The following SRCIN1 variants were observed in gnomAD, a reference collection of about 807,000 sequenced individuals.
SRCIN1 encodes the protein P130Cas-associated protein.
In SRCIN1, 50 loss-of-function variants were observed where a neutral mutation model predicts 116.2. That is an observed-to-expected ratio of 0.43 (90% confidence interval 0.34 to 0.54). The LOEUF is 0.54. Among genes scored for constraint, SRCIN1 ranks in the 20% least tolerant of loss-of-function variants. SRCIN1 has a pLI of 0.02. For missense variants in SRCIN1, 1,446 were observed against 1,672.0 expected (o/e 0.86, Z 2.36); for synonymous variants, 736 against 750.0 (o/e 0.98, Z 0.30).
At position 38,604,575 on chromosome 17, in the gene SRCIN1, A is replaced by G. The variant is rs577467841; in HGVS notation, c.22+1109T>C. On this transcript the variant is annotated intron_variant, in intron 1 of 18. Coordinates refer to ENST00000617146, the MANE Select transcript of SRCIN1 (RefSeq NM_025248.3). The surrounding 1 kb of genome is among the most constrained non-coding windows in gnomAD (Gnocchi z 4.3). ...GTCCTCTCCCACCAGGCCAGGGCAA[A>G]GCGCCGGAGGCACTGCCAGGGCTGC... The G allele has an allele frequency of 6.2e-5, 28 of 452,936 alleles. No homozygotes were observed. Among genetic ancestry groups the G allele is most frequent in the Non-Finnish European group, 1.2e-4 (27 of 225,614 alleles). The allele number at this position is 452,936 out of a possible 1,614,324, so 28.1% of individuals were successfully genotyped here.
chr17:38,606,844 G>T (rs999434240), upstream of SRCIN1, among the ~76,000 whole-genome samples: 1 of 152,188 alleles, frequency 6.6e-6, no homozygotes, highest in Non-Finnish European at 1.5e-5. The surrounding 1 kb of genome is among the most constrained non-coding windows in gnomAD (Gnocchi z 5.2). Flanking sequence ...GATTCCAGCG[G>T]CCCCCTCCCT....
At position 38,565,862 on chromosome 17, in the gene SRCIN1, G is replaced by A. The variant is rs1906648728; in HGVS notation, c.346-1549C>T. ...TGGGTGTGGGTCTTGGCAGGAGGAAGGCAGCATAGAAATGGGCCAGGGGCA... is the reference window on the plus strand; with the variant it reads ...TGGGTGTGGGTCTTGGCAGGAGGAAAGCAGCATAGAAATGGGCCAGGGGCA... On this transcript the variant is annotated intron_variant, in intron 3 of 18. Transcript: ENST00000617146. 4.6e-5 allele frequency among the ~76,000 whole-genome samples: 7 copies of A among 152,224 alleles called. No homozygotes were observed. The South Asian group carries it at 1.5e-3, about 32-fold the overall frequency.
intron 1 of SRCIN1, among the ~76,000 whole-genome samples, chr17:38,580,380 A>C (rs1907720037): frequency 6.6e-6 from 1 of 152,104 alleles, no homozygotes; most frequent in Non-Finnish European, 1.5e-5. Flanking sequence ...AGCACCTCCC[A>C]CCGAACCAAG....
chr17:38,561,705 TC>T lies in SRCIN1; in HGVS notation c.1457del (p.Gly486GlufsTer201). 6.5e-7 allele frequency: 1 copy of T among 1,537,414 alleles called. No individual in the cohort carries two copies. The highest frequency in any genetic ancestry group is 8.7e-7 in the Non-Finnish European group (1 of 1,147,312). On this transcript the variant is annotated frameshift_variant, in exon 7 of 19. Transcript: ENST00000617146. LOFTEE classifies it high-confidence loss of function. ...AGGGGCTGTGCGGTGGCGGGGGACC[TC>T]CGGGGGGTGCTGCCACGTCGGCCAG... ...QKLADVAAPP[G>X]GPPPPHSPYS...
In SRCIN1 at chr17:38,543,907, C is replaced by G; in HGVS notation, c.3333G>C (p.Ala1111=). 6.2e-7 allele frequency: 1 copy of G among 1,604,546 alleles called. No homozygotes were observed. Among genetic ancestry groups the G allele is most frequent in the Non-Finnish European group, 8.5e-7 (1 of 1,179,100 alleles). Residue 1111 remains alanine, a synonymous_variant, in exon 18 of 19, where the codon GCG becomes GCC. Transcript: ENST00000617146. ...CGGGGCTGCCCGCCTGGCCCTGGGC[C>G]GCCTTCAGCCGAGAGGCCCCCGGAG... ...VVTPGASRLK[A]AQGQAGSPDK... is the part of the protein sequence containing the mutation.
chr17:38,550,903 A>C (rs1905351629), intron 15 of SRCIN1, among the ~76,000 whole-genome samples: 1 of 152,140 alleles, frequency 6.6e-6, no homozygotes, highest in Non-Finnish European at 1.5e-5. Flanking sequence ...CTCTGCCTGG[A>C]CTTGCTCCCT....
intron 2 of SRCIN1, among the ~76,000 whole-genome samples, chr17:38,569,438 G>T (rs1906933695): frequency 6.6e-6 from 1 of 152,188 alleles, no homozygotes; most frequent in African/African-American, 2.4e-5. Context: ...GCCCCTGGGG[G>T]AAGAACACCA....
intron 17 of SRCIN1, among the ~76,000 whole-genome samples, chr17:38,546,297 C>T (rs956238735): frequency 6.6e-6 from 1 of 152,242 alleles, no homozygotes. Context: ...AGGCCACCCA[C>T]CCACAGCTAG....
intron 18 of SRCIN1, among the ~76,000 whole-genome samples, chr17:38,534,681 T>C (rs1194107372): frequency 6.6e-6 from 1 of 152,178 alleles, no homozygotes; most frequent in Non-Finnish European, 1.5e-5. Flanking sequence ...AAGCAAGCCC[T>C]GTCTCCAGCA....
chr17:38,563,912 G>T lies in SRCIN1; in HGVS notation c.541+206C>A. ...AAAAGGAAGCAAGAGGGAGAGAGGAGGCTTGGAGGGAAAGGGGTCGGGTGG... is the reference window on the plus strand; with the variant it reads ...AAAAGGAAGCAAGAGGGAGAGAGGATGCTTGGAGGGAAAGGGGTCGGGTGG... On this transcript the variant is annotated intron_variant, in intron 4 of 18. Coordinates refer to ENST00000617146, the MANE Select transcript of SRCIN1 (RefSeq NM_025248.3). This position sits in a 1 kb window ranked among gnomAD's most constrained non-coding sequence, Gnocchi z 5.8. 2 of 623,208 alleles carry T rather than the reference G, an allele frequency of 3.2e-6. No individual in the cohort carries two copies. Among genetic ancestry groups the T allele is most frequent in the South Asian group, 2.0e-5 (1 of 51,222 alleles). The allele number at this position is 623,208 out of a possible 1,614,324, so 38.6% of individuals were successfully genotyped here.
intron 1 of SRCIN1, among the ~76,000 whole-genome samples, chr17:38,584,351 TGAGTCC>T (rs1907993633): frequency 1.3e-5 from 2 of 152,186 alleles, no homozygotes; most frequent in Admixed American, 6.5e-5. Context: ...CTATATTTTT[TGAGTCC>T]GAGATTCAAG....
At chr17:38,595,034 C>T (rs907827272) in intron 1 of SRCIN1, among the ~76,000 whole-genome samples, 2 of 152,134 alleles carry the variant, frequency 1.3e-5, no homozygotes, top group Admixed American at 6.5e-5. Context: ...AAACAGCTTC[C>T]AGCAGGGGGA....
intron 18 of SRCIN1, among the ~76,000 whole-genome samples, chr17:38,539,963 G>A (rs1405957738): frequency 6.8e-6 from 1 of 147,082 alleles, no homozygotes; most frequent in Non-Finnish European, 1.5e-5. Flanking sequence ...AGAGGTTGCC[G>A]TGAGCCGAGA....
rs1362886336 is a variant in SRCIN1 at position 38,552,944 on chromosome 17, C to T, written c.2202-89G>A. On this transcript the variant is annotated intron_variant, in intron 11 of 18. Coordinates refer to ENST00000617146, the MANE Select transcript of SRCIN1 (RefSeq NM_025248.3). This position sits in a 1 kb window ranked among gnomAD's most constrained non-coding sequence, Gnocchi z 5.3. ...TTGGGCAACTGGAAAGAAATCAGGC[C>T]ACCAGTTGGATCGAAAGTAAAAGCA... The T allele has an allele frequency of 3.3e-6, 5 of 1,534,838 alleles. 1 individual carries two copies. The highest frequency in any genetic ancestry group is 4.1e-5 in the Admixed American group (2 of 48,832).
At chr17:38,556,301 G>A (rs1035074194) in intron 11 of SRCIN1, among the ~76,000 whole-genome samples, 7 of 152,230 alleles carry the variant, frequency 4.6e-5, no homozygotes, top group Admixed American at 1.3e-4. Flanking sequence ...GACCGCACAC[G>A]TGGCATACCT....
In SRCIN1 at chr17:38,558,325, C is replaced by T. The variant is rs1170744264; in HGVS notation, c.2103G>A (p.Ala701=). The T allele has an allele frequency of 6.2e-7, 1 of 1,610,400 alleles. No homozygotes were observed. Among genetic ancestry groups the T allele is most frequent in the Non-Finnish European group, 8.5e-7 (1 of 1,179,532 alleles). Residue 701 remains alanine (A), a synonymous_variant, in exon 11 of 19, where the codon GCG becomes GCA. Coordinates refer to ENST00000617146, the MANE Select transcript of SRCIN1 (RefSeq NM_025248.3). The surrounding 1 kb of genome is among the most constrained non-coding windows in gnomAD (Gnocchi z 4.6). ...GCTGCAGCGGGTCCTCCTGCCGCCG[C>T]GCCGCCTCCGACACGCGCATGCTCA... ...AELSMRVSEA[A]RRQEDPLQRQ...
chr17:38,551,345 C>T lies in SRCIN1; in HGVS notation c.2772G>A (p.Gln924=), dbSNP rs1567857942. Residue 924 remains glutamine, a synonymous_variant, in exon 15 of 19, where the codon CAG becomes CAA. Transcript: ENST00000617146. Reference sequence around the variant, plus strand: ...GCCGGTTGATGTCCTTGGCACTGTACTGGGTCAGGGCTGCCCGCTTCTCCT... The same window carrying T: ...GCCGGTTGATGTCCTTGGCACTGTATTGGGTCAGGGCTGCCCGCTTCTCCT... The part of the protein sequence containing the change: ...DWEEKRAALT[Q]YSAKDINRLL... 1 of 1,613,738 alleles carries T rather than the reference C, an allele frequency of 6.2e-7. No homozygotes were observed. The highest frequency in any genetic ancestry group is 1.3e-5 in the African/African-American group (1 of 75,042).
In SRCIN1 at chr17:38,567,368, A is replaced by G. The variant is rs150569273; in HGVS notation, c.345+843T>C. 4.5e-3 allele frequency among the ~76,000 whole-genome samples: 689 copies of G among 152,340 alleles called. 7 individuals are homozygous for G. The highest frequency in any genetic ancestry group is 0.016 in the African/African-American group (649 of 41,580). The stretch of plus-strand genomic sequence containing the variant: ...ACTACGCAGCCTGGCTCTTGGGTCC[A>G]TGCGCTTAACCACTACCCTCAACTG... On this transcript the variant is annotated intron_variant, in intron 3 of 18. Transcript: ENST00000617146.
In SRCIN1 at chr17:38,578,857, A is replaced by C. The variant is rs2143320415; in HGVS notation, c.23-66T>G. The C allele has an allele frequency of 5.6e-6, 8 of 1,424,662 alleles. No homozygotes were observed. The South Asian group carries it at 9.0e-5, about 16-fold the overall frequency. The allele number at this position is 1,424,662 out of a possible 1,614,324, so 88.3% of individuals were successfully genotyped here. ...CCGGCCTGGGGCTGCCCATCCCCCA[A>C]GGGGGTCCCTGCGGGAAGGGGCGGG... On this transcript the variant is annotated intron_variant, in intron 1 of 18. Coordinates refer to ENST00000617146, the MANE Select transcript of SRCIN1 (RefSeq NM_025248.3).
Sources: allele counts gnomAD v4.1 joint callset (sites outside exome capture counted in the v4.1 genomes callset), GRCh38; gene constraint gnomAD v4.1.1; non-coding constraint Gnocchi (gnomAD v3.1); transcripts MANE v1.5; gene names NCBI Gene and HGNC (gene_info 2026-07-23, HGNC 2026-07-21).